The following ETNK1 variants were observed in gnomAD, a reference collection of about 807,000 sequenced individuals.
ETNK1 encodes ethanolamine kinase 1.
A neutral mutation model predicts 45.1 loss-of-function variants in ETNK1; 8 were observed. The observed-to-expected ratio is 0.18, with a 90% CI of 0.10 to 0.32. The LOEUF (loss-of-function observed/expected upper bound fraction) is 0.32, where lower values mean the gene tolerates loss of function less well. Among genes scored for constraint, ETNK1 ranks in the 10% least tolerant of loss-of-function variants. ETNK1 has a pLI of 1.00. For missense variants in ETNK1, 302 were observed against 430.6 expected, an observed-to-expected ratio of 0.70 and a Z score of 2.64; for synonymous variants, 152 against 151.9, an observed-to-expected ratio of 1.00 and a Z score of -0.01.
intron 2 of ETNK1, among the ~76,000 whole-genome samples, chr12:22,657,501 CT>C (rs1290557285): frequency 1.3e-5 from 2 of 151,256 alleles, no homozygotes; most frequent in African/African-American, 4.8e-5. Context: ...TCTGTTTATT[CT>C]TTTACCTTTT....
chr12:22,679,695 G>GT (rs1302699694), intron 6 of ETNK1, among the ~76,000 whole-genome samples: 38 of 137,230 alleles, frequency 2.8e-4, no homozygotes, highest in African/African-American at 4.5e-4. Context: ...TTTGTTCTTG[G>GT]TTTTTTGTTT....
chr12:22,637,640 C>T (rs1343495637), intron 1 of ETNK1, among the ~76,000 whole-genome samples: 2 of 151,774 alleles, frequency 1.3e-5, no homozygotes, highest in Non-Finnish European at 2.9e-5. Context: ...TTGAAAGTCA[C>T]TAATATAGAG....
In ETNK1 at chr12:22,643,865, T is replaced by C. The variant is rs1953771299; in HGVS notation, c.259T>C (p.Leu87=). 1 of 1,613,464 alleles carries C rather than the reference T, an allele frequency of 6.2e-7. No individual in the cohort carries two copies. Among genetic ancestry groups the C allele is most frequent in the East Asian group, 2.2e-5 (1 of 44,854 alleles). ...VRIYGNKTEL[L]VDRDEEVKSF... ...AATTTATGGCAATAAGACTGAGTTA[T>C]TAGTCGATCGAGATGAGGAAGTAAA... The change falls in exon 2 of 8, where the codon TTA becomes CTA. Residue 87 remains leucine, a synonymous_variant. Transcript: ENST00000266517.
At position 22,643,744 on chromosome 12, in the gene ETNK1, TA is replaced by T. The variant is rs1953769396; in HGVS notation, c.157-11del. 5.1e-6 allele frequency: 8 copies of T among 1,568,622 alleles called. No individual in the cohort carries two copies. The highest frequency in any genetic ancestry group is 2.3e-5 in the South Asian group (2 of 85,396). On this transcript the variant is annotated intron_variant, in intron 1 of 7. Coordinates refer to ENST00000266517, the MANE Select transcript of ETNK1 (RefSeq NM_018638.5). ...AGATAATTGCTTTTTTTCCCATTTT[TA>T]AAAAAAATTTTTGGCAGCTCTTCAC...
intron 5 of ETNK1, among the ~76,000 whole-genome samples, chr12:22,673,242 C>T (rs1954128207): frequency 6.6e-6 from 1 of 152,158 alleles, no homozygotes; most frequent in Admixed American, 6.5e-5. Flanking sequence ...GCAGCTGGTT[C>T]AAGCTATAAA....
intron 2 of ETNK1, among the ~76,000 whole-genome samples, chr12:22,647,718 C>T (rs142941207): frequency 1.5e-4 from 23 of 151,932 alleles, no homozygotes; most frequent in African/African-American, 4.3e-4. Flanking sequence ...GATTATTTTT[C>T]GTTTCAAAAT....
chr12:22,673,602 C>G lies in ETNK1; in HGVS notation c.887C>G (p.Thr296Ser). ...EAYKEFKGFG[T>S]EVTEKEVEIL... is the part of the protein sequence containing the mutation. Reference sequence around the variant, plus strand: ...TACAAAGAATTTAAGGGCTTTGGGACTGAAGTTACTGAAAAGGAGGTAGAA... The same window carrying G: ...TACAAAGAATTTAAGGGCTTTGGGAGTGAAGTTACTGAAAAGGAGGTAGAA... The change falls in exon 6 of 8, where the codon ACT becomes AGT. Residue 296 changes from threonine (T) to serine (S), a missense_variant. Physicochemically the swap from Thr to Ser is moderately conservative, Grantham distance 58. This residue lies in a region of ETNK1 where 94 missense variants were observed against 152.9 expected (regional missense o/e 0.61). Coordinates refer to ENST00000266517, the MANE Select transcript of ETNK1 (RefSeq NM_018638.5). 6.2e-7 allele frequency: 1 copy of G among 1,613,838 alleles called. No individual in the cohort carries two copies. The highest frequency in any genetic ancestry group is 8.5e-7 in the Non-Finnish European group (1 of 1,179,906).
intron 1 of ETNK1, among the ~76,000 whole-genome samples, chr12:22,630,186 T>C (rs1953556529): frequency 6.6e-6 from 1 of 152,236 alleles, no homozygotes; most frequent in Non-Finnish European, 1.5e-5. Context: ...GGTATTACCT[T>C]GGAAAGTAGT....
chr12:22,631,426 C>T (rs978285480), intron 1 of ETNK1, among the ~76,000 whole-genome samples: 1 of 152,138 alleles, frequency 6.6e-6, no homozygotes, highest in African/African-American at 2.4e-5. Context: ...CCACCTTCCT[C>T]AACCTCCCAA....
chr12:22,656,240 T>C (rs1350191732), intron 2 of ETNK1, among the ~76,000 whole-genome samples: 1 of 152,228 alleles, frequency 6.6e-6, no homozygotes, highest in Non-Finnish European at 1.5e-5. Flanking sequence ...TAAAAACTGC[T>C]TTAGATTCAT....
chr12:22,643,012 A>G (rs1304441314), intron 1 of ETNK1, among the ~76,000 whole-genome samples: 5 of 152,156 alleles, frequency 3.3e-5, no homozygotes, highest in South Asian at 4.1e-4. Flanking sequence ...ACAAGCCCCA[A>G]AAGTCTTATT....
chr12:22,673,776 T>C (rs1237266772), intron 6 of ETNK1, 116 bp downstream of exon 6: 11 of 1,032,750 alleles, frequency 1.1e-5, no homozygotes, highest in Middle Eastern at 3.1e-4. Flanking sequence ...TTGTTCAAAA[T>C]AATGTAAATA....
At chr12:22,681,690 T>C (rs1954217355) in intron 6 of ETNK1, among the ~76,000 whole-genome samples, 1 of 152,038 alleles carries the variant, frequency 6.6e-6, no homozygotes, top group Non-Finnish European at 1.5e-5. Context: ...AATAGAATAC[T>C]ATTTTTCAAA....
intron 6 of ETNK1, chr12:22,682,233 G>C: frequency 2.2e-6 from 1 of 456,292 alleles, no homozygotes; most frequent in Non-Finnish European, 4.3e-6. Flanking sequence ...TTGAGAAGCT[G>C]TTAAGCTCAC....
chr12:22,656,861 A>G, intron 2 of ETNK1: 1 of 913,526 alleles, frequency 1.1e-6, no homozygotes, highest in Non-Finnish European at 1.3e-6. Context: ...TCATTTCAGT[A>G]AATATTTCTA....
rs976442720 is a variant in ETNK1 at position 22,681,057 on chromosome 12, T to C, written c.946-3426T>C. On this transcript the variant is annotated intron_variant, in intron 6 of 7. Coordinates refer to ENST00000266517, the MANE Select transcript of ETNK1 (RefSeq NM_018638.5). ...CCATAACTTCCAAATGTGAAAGAGA[T>C]AGTATAGTTACAGAATTTATTATTT... is the stretch of plus-strand genomic sequence containing the variant. 2.6e-5 allele frequency among the ~76,000 whole-genome samples: 4 copies of C among 152,146 alleles called. No homozygotes were observed. In the East Asian group the frequency reaches 5.8e-4, roughly 22 times the overall value.
intron 1 of ETNK1, among the ~76,000 whole-genome samples, chr12:22,627,882 G>A (rs1290239655): frequency 6.6e-6 from 1 of 151,682 alleles, no homozygotes; most frequent in African/African-American, 2.4e-5. Flanking sequence ...GAGCATATCA[G>A]AAAATAAAAA....
At chr12:22,662,967 G>A (rs989248903) in intron 4 of ETNK1, among the ~76,000 whole-genome samples, 4 of 152,148 alleles carry the variant, frequency 2.6e-5, no homozygotes, top group Admixed American at 2.6e-4. Context: ...ATATATTTGA[G>A]AATTTTTTGT....
At chr12:22,674,412 A>G (rs370499117) in intron 6 of ETNK1, among the ~76,000 whole-genome samples, 1 of 152,296 alleles carries the variant, frequency 6.6e-6, no homozygotes, top group African/African-American at 2.4e-5. Context: ...GTATATGGGT[A>G]TGCCATTTTT....
Sources: allele counts gnomAD v4.1 joint callset (sites outside exome capture counted in the v4.1 genomes callset), GRCh38; gene constraint gnomAD v4.1.1; regional missense constraint gnomAD v4.1.1; transcripts MANE v1.5; gene names NCBI Gene and HGNC (gene_info 2026-07-23, HGNC 2026-07-21).